CCDC85C: variants seen among roughly 807,000 people sequenced by gnomAD.
The protein encoded by CCDC85C is coiled-coil domain containing 85C.
CCDC85C carries 18 observed loss-of-function variants against 38.3 expected under a neutral mutation model. The ratio of observed to expected loss-of-function variants is 0.47; its 90% CI spans 0.33 to 0.70. The LOEUF (loss-of-function observed/expected upper bound fraction) is 0.70. CCDC85C is among the 30% of genes least tolerant of loss of function. The pLI, the probability that CCDC85C is intolerant of heterozygous loss-of-function variation, is 0.03. For synonymous variants in CCDC85C, 264 were observed against 293.8 expected (o/e 0.90, Z 1.04); for missense variants, 566 against 621.2 (o/e 0.91, Z 0.94).
chr14:99,532,782 C>CTT lies in CCDC85C; in HGVS notation c.867+3231_867+3232dup, dbSNP rs34038396. Among the ~76,000 whole-genome samples, 394 of 124,348 alleles carry CTT rather than the reference C, an allele frequency of 3.2e-3. 3 individuals are homozygous for CTT. Among genetic ancestry groups the CTT allele is most frequent in the South Asian group, 0.015 (57 of 3,728 alleles). 81.6% of individuals were successfully genotyped at this position (124,348 alleles called of 152,430 possible). On this transcript the variant is annotated intron_variant, in intron 2 of 5. Transcript: ENST00000380243. ...TCCTCTGGTTCTTCTTCTTCTTCTT[C>CTT]TTTTTTTTTTTTTTTTTGAGGTGGA...
rs1465270470 is a variant in CCDC85C at position 99,512,143 on chromosome 14, A to G, written c.*3103T>C. 1.1e-4 allele frequency: 17 copies of G among 152,288 alleles called. No homozygotes were observed. Among genetic ancestry groups the G allele is most frequent in the Non-Finnish European group, 4.4e-5 (3 of 68,018 alleles). The allele number at this position is 152,288 out of a possible 1,614,324, so 9.4% of individuals were successfully genotyped here. A position where few individuals can be genotyped will look rare whatever the true frequency, so the allele number is the denominator to read the frequency against. ...TTCAAATCAATGTTTTTACCACACT[A>G]TCAAAAAGTTCTATTTCTTCTTGTC... On this transcript the variant is annotated 3_prime_UTR_variant, in exon 6 of 6. Coordinates refer to ENST00000380243, the MANE Select transcript of CCDC85C (RefSeq NM_001144995.2).
intron 1 of CCDC85C, among the ~76,000 whole-genome samples, chr14:99,549,996 G>T (rs960784290): frequency 8.5e-5 from 13 of 152,316 alleles, no homozygotes; most frequent in Admixed American, 2.6e-4. Flanking sequence ...ACTGGGTCAG[G>T]AGTCCCAGCC....
intron 1 of CCDC85C, among the ~76,000 whole-genome samples, chr14:99,547,851 C>CAT (rs931245689): frequency 9.9e-5 from 15 of 151,492 alleles, no homozygotes; most frequent in East Asian, 7.7e-4. Flanking sequence ...TGTATATACA[C>CAT]ATATATATAT....
chr14:99,577,001 C>G (rs561551353), intron 1 of CCDC85C, among the ~76,000 whole-genome samples: 1 of 152,004 alleles, frequency 6.6e-6, no homozygotes, highest in Admixed American at 6.5e-5. Context: ...AGGACCCCTG[C>G]CCTCCCCTCC....
chr14:99,516,296 A>G lies in CCDC85C; in HGVS notation c.1072-10T>C. Reference sequence around the variant, plus strand: ...CGTGTACCTCCAGGACCTGAAGGGAACGGGTCTCGGGGTCAGGGGCAGAGG... The same window carrying G: ...CGTGTACCTCCAGGACCTGAAGGGAGCGGGTCTCGGGGTCAGGGGCAGAGG... On this transcript the variant is annotated splice_polypyrimidine_tract_variant and intron_variant, in intron 4 of 5. Transcript: ENST00000380243. The surrounding 1 kb of genome is among the most constrained non-coding windows in gnomAD (Gnocchi z 5.5). 1 of 1,546,798 alleles carries G rather than the reference A, an allele frequency of 6.5e-7. No homozygotes were observed. Among genetic ancestry groups the G allele is most frequent in the Non-Finnish European group, 8.7e-7 (1 of 1,143,248 alleles).
In CCDC85C at chr14:99,603,252, G is replaced by C. The variant is rs1460995341; in HGVS notation, c.708C>G (p.Pro236=). 1 of 1,395,980 alleles carries C rather than the reference G, an allele frequency of 7.2e-7. No individual in the cohort carries two copies. Among genetic ancestry groups the C allele is most frequent in the Non-Finnish European group, 9.2e-7 (1 of 1,081,406 alleles). 86.5% of individuals were successfully genotyped at this position (1,395,980 alleles called of 1,614,324 possible). A position where few individuals can be genotyped will look rare whatever the true frequency, so the allele number is the denominator to read the frequency against. ...GACGTGTGGCTCCTGCCTTGCCGTC[G>C]GGGGCCTTGTGCGGCCCGGGGGGCA... ...PLLPPGPHKA[P]DGKAGATRRS... The change falls in exon 1 of 6, where the codon CCC becomes CCG. Residue 236 remains proline, a synonymous_variant. Transcript: ENST00000380243. This position sits in a 1 kb window ranked among gnomAD's most constrained non-coding sequence, Gnocchi z 7.5.
intron 1 of CCDC85C, among the ~76,000 whole-genome samples, chr14:99,549,864 T>C (rs770655985): frequency 3.3e-5 from 5 of 152,202 alleles, no homozygotes; most frequent in Non-Finnish European, 7.3e-5. Flanking sequence ...GCTCCTTTCA[T>C]GCGCAGGGCA....
intron 1 of CCDC85C, among the ~76,000 whole-genome samples, chr14:99,585,902 C>T (rs1231136734): frequency 6.6e-6 from 1 of 152,204 alleles, no homozygotes; most frequent in Non-Finnish European, 1.5e-5. Flanking sequence ...TTCCCTGGAC[C>T]TTAGGCGTAA....
At position 99,502,228 on chromosome 14, in the gene CCDC85C, G is replaced by A. The variant is rs1442734747; in HGVS notation, c.*13018C>T. Reference sequence around the variant, plus strand: ...CTAGTCTCTGCACCACCTTGTCACTGCAGTGGGAACCAGAGATCATAGCAG... The same window carrying A: ...CTAGTCTCTGCACCACCTTGTCACTACAGTGGGAACCAGAGATCATAGCAG... On this transcript the variant is annotated 3_prime_UTR_variant, in exon 6 of 6. Transcript: ENST00000380243. The A allele has an allele frequency of 2.5e-6, 4 of 1,598,100 alleles. No homozygotes were observed. Among genetic ancestry groups the A allele is most frequent in the Non-Finnish European group, 3.4e-6 (4 of 1,171,784 alleles).
chr14:99,556,796 G>A (rs994552757), intron 1 of CCDC85C, among the ~76,000 whole-genome samples: 4 of 151,958 alleles, frequency 2.6e-5, no homozygotes, highest in Admixed American at 1.3e-4. Flanking sequence ...CAAAGTTCTC[G>A]GATTACAGGT....
Position 99,534,789 on chromosome 14 carries a change from G to T in CCDC85C, c.867+1226C>A, listed in dbSNP as rs532113997. 2,156 of 697,910 alleles carry T rather than the reference G, an allele frequency of 3.1e-3. 32 individuals carry two copies. The highest frequency in any genetic ancestry group is 0.02 in the South Asian group (1,363 of 67,104). The allele number at this position is 697,910 out of a possible 1,614,324, so 43.2% of individuals were successfully genotyped here. A position where few individuals can be genotyped will look rare whatever the true frequency, so the allele number is the denominator to read the frequency against. Reference sequence around the variant, plus strand: ...CCCCTCCTGCCCTCACCAGCCCTGGGAAGCCAGCACGGCCTGTGGCCAAAG... The same window carrying T: ...CCCCTCCTGCCCTCACCAGCCCTGGTAAGCCAGCACGGCCTGTGGCCAAAG... On this transcript the variant is annotated intron_variant, in intron 2 of 5. Transcript: ENST00000380243.
At chr14:99,515,942 G>A (rs1461737840) in intron 5 of CCDC85C, among the ~76,000 whole-genome samples, 6 of 152,038 alleles carry the variant, frequency 3.9e-5, no homozygotes, top group East Asian at 3.9e-4. Flanking sequence ...CCCCAGGCAC[G>A]GCACTCCTGG....
chr14:99,530,308 A>G (rs1312449294), intron 2 of CCDC85C, among the ~76,000 whole-genome samples: 1 of 152,198 alleles, frequency 6.6e-6, no homozygotes, highest in Non-Finnish European at 1.5e-5. Flanking sequence ...GGAAGCGTTT[A>G]AAGTCCTCCA....
At position 99,588,695 on chromosome 14, in the gene CCDC85C, T is replaced by C. The variant is rs1333412159; in HGVS notation, c.793+14472A>G. On this transcript the variant is annotated intron_variant, in intron 1 of 5. Transcript: ENST00000380243. The surrounding 1 kb of genome is among the most constrained non-coding windows in gnomAD (Gnocchi z 5.0). ...GTCATTCCCCCACCCGTATAAGCACTTGGAAGGTGGTCCTGAAGTAAGAAA... is the reference window on the plus strand; with the variant it reads ...GTCATTCCCCCACCCGTATAAGCACCTGGAAGGTGGTCCTGAAGTAAGAAA... Among the ~76,000 whole-genome samples, 1 of 151,884 alleles carries C rather than the reference T, an allele frequency of 6.6e-6. No individual in the cohort carries two copies. The highest frequency in any genetic ancestry group is 2.4e-5 in the African/African-American group (1 of 41,344).
intron 1 of CCDC85C, among the ~76,000 whole-genome samples, chr14:99,570,875 C>T (rs1426370570): frequency 7.0e-6 from 1 of 142,312 alleles, no homozygotes; most frequent in Admixed American, 7.1e-5. Context: ...AACCAACTGG[C>T]CTGGGTGGTC....
intron 1 of CCDC85C, among the ~76,000 whole-genome samples, chr14:99,557,327 C>G (rs1898031765): frequency 6.6e-6 from 1 of 152,200 alleles, no homozygotes. Context: ...AGGTACAGCC[C>G]AGGCTGTTCT....
intron 1 of CCDC85C, among the ~76,000 whole-genome samples, chr14:99,570,786 G>C (rs1407004533): frequency 6.6e-6 from 1 of 151,558 alleles, no homozygotes; most frequent in Non-Finnish European, 1.5e-5. Flanking sequence ...GGGGCAGAAA[G>C]AGCCAGACCT....
chr14:99,590,247 G>C (rs2055071452), intron 1 of CCDC85C, among the ~76,000 whole-genome samples: 1 of 152,148 alleles, frequency 6.6e-6, no homozygotes, highest in African/African-American at 2.4e-5. Context: ...CTACCCTCCA[G>C]GGTGGGGGCA....
chr14:99,543,480 G>A (rs989677741), intron 1 of CCDC85C, among the ~76,000 whole-genome samples: 1 of 152,194 alleles, frequency 6.6e-6, no homozygotes, highest in African/African-American at 2.4e-5. Context: ...AGTGGAGCAA[G>A]GAGGCGCAGC....
Sources: allele counts gnomAD v4.1 joint callset (sites outside exome capture counted in the v4.1 genomes callset), GRCh38; gene constraint gnomAD v4.1.1; non-coding constraint Gnocchi (gnomAD v3.1); transcripts MANE v1.5; gene names NCBI Gene and HGNC (gene_info 2026-07-23, HGNC 2026-07-21).